The following KLF8 variants were observed in gnomAD, a reference collection of about 807,000 sequenced individuals.
KLF8 encodes the protein KLF transcription factor 8.
KLF8 carries 10 observed loss-of-function variants against 18.2 expected under a neutral mutation model. That is an observed-to-expected ratio of 0.55 (90% CI 0.34 to 0.93). The LOEUF is 0.93. KLF8 is among the 40% of genes least tolerant of loss of function. The pLI, the probability that KLF8 is intolerant of heterozygous loss-of-function variation, is 0.02. For synonymous variants in KLF8, 109 were observed against 97.3 expected (o/e 1.12, Z -0.71); for missense variants, 264 against 277.9 (o/e 0.95, Z 0.36).
chrX:56,116,822 G>A, the KLF8 span, among the ~76,000 whole-genome samples: 34 of 109,494 alleles, frequency 3.1e-4, 1 homozygote, highest in Middle Eastern at 9.5e-3. Context: ...TCACCATGCT[G>A]TACCTTAGCT....
At chrX:56,014,634 C>T in the KLF8 span, among the ~76,000 whole-genome samples, 1 of 110,985 alleles carries the variant, frequency 9.0e-6, no homozygotes, top group South Asian at 3.8e-4. Context: ...TGTGTATATA[C>T]CCATAGGAAT....
the KLF8 span, among the ~76,000 whole-genome samples, chrX:55,964,495 G>A: frequency 1.8e-5 from 2 of 111,394 alleles, no homozygotes; most frequent in Non-Finnish European, 3.8e-5. Flanking sequence ...AAGAATTGGT[G>A]GAGCCTGGGA....
the KLF8 span, among the ~76,000 whole-genome samples, chrX:56,184,177 C>T: frequency 7.1e-5 from 8 of 112,314 alleles, no homozygotes; most frequent in Non-Finnish European, 1.1e-4. Flanking sequence ...CCTAACACTG[C>T]GCATTTCCGA....
At position 56,233,274 on chromosome X, in the gene KLF8, G is replaced by A. The variant is rs760845168; in HGVS notation, c.-61G>A. 1 of 1,199,900 alleles carries A rather than the reference G, an allele frequency of 8.3e-7. No homozygotes were observed. The highest frequency in any genetic ancestry group is 3.0e-5 in the East Asian group (1 of 33,739). On this transcript the variant is annotated 5_prime_UTR_variant, in exon 1 of 6. Transcript: ENST00000468660. ...CAGCTCTCTTGCGATCAGCTCAGGA[G>A]TATGAGCCTCCCGGAGGACGGCATG... is the stretch of plus-strand genomic sequence containing the variant.
the KLF8 span, among the ~76,000 whole-genome samples, chrX:56,052,473 G>A: frequency 7.2e-5 from 8 of 111,833 alleles, no homozygotes; most frequent in Non-Finnish European, 1.5e-4. Context: ...CTGTTTGTTA[G>A]TTTTCCTTCT....
At chrX:56,112,815 G>A in the KLF8 span, among the ~76,000 whole-genome samples, 1 of 111,781 alleles carries the variant, frequency 8.9e-6, no homozygotes, top group East Asian at 2.8e-4. Flanking sequence ...AGTTCTTTTT[G>A]TAATGTGTTT....
the KLF8 span, among the ~76,000 whole-genome samples, chrX:56,190,448 T>C: frequency 1.8e-5 from 2 of 111,611 alleles, no homozygotes; most frequent in African/African-American, 6.5e-5. Flanking sequence ...CAAAGAATAA[T>C]CAAACTTAAT....
the KLF8 span, among the ~76,000 whole-genome samples, chrX:56,123,214 G>A: frequency 9.4e-6 from 1 of 106,676 alleles, no homozygotes; most frequent in South Asian, 4.2e-4. Context: ...GAGAGCCAGT[G>A]CATTCCCCTT....
At chrX:56,128,442 G>A in the KLF8 span, among the ~76,000 whole-genome samples, 15,399 of 110,915 alleles carry the variant, frequency 0.14, 1,621 homozygotes, top group African/African-American at 0.37. Context: ...ATATCCTTTC[G>A]CCAGAGCTTT....
At chrX:56,078,282 C>A in the KLF8 span, among the ~76,000 whole-genome samples, 3 of 111,832 alleles carry the variant, frequency 2.7e-5, no homozygotes, top group Non-Finnish European at 5.6e-5. Flanking sequence ...GTGGGTTTGT[C>A]ATAGATAGCT....
At chrX:55,984,880 G>A in the KLF8 span, among the ~76,000 whole-genome samples, 1 of 110,921 alleles carries the variant, frequency 9.0e-6, no homozygotes, top group Non-Finnish European at 1.9e-5. Context: ...CAGTGATGTT[G>A]AGATTTTTTT....
At chrX:56,050,676 A>C in the KLF8 span, among the ~76,000 whole-genome samples, 3 of 111,590 alleles carry the variant, frequency 2.7e-5, no homozygotes, top group Non-Finnish European at 3.8e-5. Context: ...CTGAGGAGAG[A>C]TTTACTTCCA....
intron 3 of KLF8, 166 bp from the exon 4 acceptor site, chrX:56,269,211 GT>G (rs1226472771): frequency 9.7e-7 from 1 of 1,026,082 alleles, no homozygotes; most frequent in African/African-American, 2.0e-5. Context: ...AAAATAAAAT[GT>G]TATTCTCTTC....
the KLF8 span, among the ~76,000 whole-genome samples, chrX:55,924,421 T>G: frequency 9.0e-6 from 1 of 111,468 alleles, no homozygotes; most frequent in East Asian, 2.8e-4. Context: ...ATTTTTTTTC[T>G]TAAATGTGAC....
At chrX:56,049,187 A>C in the KLF8 span, among the ~76,000 whole-genome samples, 2 of 111,579 alleles carry the variant, frequency 1.8e-5, no homozygotes, top group African/African-American at 6.5e-5. Context: ...GGGGTTTTCT[A>C]GATATATAAT....
chrX:56,156,659 G>T, the KLF8 span, among the ~76,000 whole-genome samples: 1 of 108,371 alleles, frequency 9.2e-6, no homozygotes, highest in Admixed American at 1.0e-4. Context: ...TGCCATGTTG[G>T]TGTGCTGCAC....
At chrX:56,126,730 T>G in the KLF8 span, among the ~76,000 whole-genome samples, 1 of 102,588 alleles carries the variant, frequency 9.7e-6, no homozygotes, top group Non-Finnish European at 2.0e-5. Context: ...TTCTTTCTCT[T>G]TTTCTTTTTC....
the KLF8 span, among the ~76,000 whole-genome samples, chrX:56,142,316 G>A: frequency 9.0e-6 from 1 of 111,213 alleles, no homozygotes; most frequent in Admixed American, 9.6e-5. Flanking sequence ...GATAGTTTTA[G>A]TCATTCATTT....
intron 1 of KLF8, 123 bp downstream of exon 1, chrX:56,233,464 C>G (rs2066428385): frequency 1.8e-6 from 1 of 557,972 alleles, no homozygotes; most frequent in South Asian, 2.7e-5. Flanking sequence ...GGGGCGGGAG[C>G]GGAAGGTTAA....
Sources: allele counts gnomAD v4.1 joint callset (sites outside exome capture counted in the v4.1 genomes callset), GRCh38; gene constraint gnomAD v4.1.1; transcripts MANE v1.5; gene names NCBI Gene and HGNC (gene_info 2026-07-23, HGNC 2026-07-21).